The following RILPL2 variants were observed in gnomAD, a reference collection of about 807,000 sequenced individuals.
The protein encoded by RILPL2 is RILP-like protein 2.
A neutral mutation model predicts 22.2 loss-of-function variants in RILPL2; 19 were observed. That is an observed-to-expected ratio of 0.86 (90% CI 0.60 to 1.25). The LOEUF (loss-of-function observed/expected upper bound fraction) is 1.25, where lower values mean the gene tolerates loss of function less well. RILPL2 is among the 50% of genes most tolerant of loss of function. The pLI, the probability that RILPL2 is intolerant of heterozygous loss-of-function variation, is 0.00. For synonymous variants in RILPL2, 123 were observed against 111.6 expected (o/e 1.10, Z -0.64); for missense variants, 243 against 263.6 (o/e 0.92, Z 0.54).
intron 2 of RILPL2, among the ~76,000 whole-genome samples, chr12:123,428,010 C>T (rs750031957): frequency 3.9e-5 from 6 of 152,202 alleles, no homozygotes; most frequent in Non-Finnish European, 7.3e-5. Context: ...GGAAAGTGTG[C>T]GTCTCTTGTT....
chr12:123,413,809 C>G (rs1879041406), downstream of RILPL2: 1 of 152,178 alleles, frequency 6.6e-6, no homozygotes, highest in Non-Finnish European at 1.5e-5. Context: ...TTCTCCACGT[C>G]CCCACCAGAT....
At position 123,416,039 on chromosome 12, in the gene RILPL2, C is replaced by T. The variant is rs372760574; in HGVS notation, c.606-118G>A. 51 of 1,016,074 alleles carry T rather than the reference C, an allele frequency of 5.0e-5. 1 individual carries two copies. The highest frequency in any genetic ancestry group is 2.6e-4 in the East Asian group (11 of 42,184). 62.9% of individuals were successfully genotyped at this position (1,016,074 alleles called of 1,614,324 possible). On this transcript the variant is annotated intron_variant, in intron 3 of 3. Transcript: ENST00000280571. The stretch of plus-strand genomic sequence containing the variant: ...CTGTTGACTCAAAAATATGTCCAGG[C>T]CAGGCATTGTGGCTCACGCCTGTAA...
At chr12:123,425,984 A>T (rs1300399645) in intron 2 of RILPL2, among the ~76,000 whole-genome samples, 1 of 151,980 alleles carries the variant, frequency 6.6e-6, no homozygotes, top group Admixed American at 6.6e-5. Context: ...AATTAAAAAA[A>T]ATTTTTTTGA....
chr12:123,430,723 A>C, intron 1 of RILPL2, 64 bp from the exon 2 acceptor site: 1 of 1,123,216 alleles, frequency 8.9e-7, no homozygotes, highest in Non-Finnish European at 1.1e-6. Context: ...TATTATTATT[A>C]TATTTTTAGA....
In RILPL2 at chr12:123,428,761, C is replaced by G. The variant is rs148555223; in HGVS notation, c.491+1747G>C. 1.9e-3 allele frequency among the ~76,000 whole-genome samples: 288 copies of G among 152,302 alleles called. 3 individuals are homozygous for G. Among genetic ancestry groups the G allele is most frequent in the Non-Finnish European group, 5.7e-4 (39 of 68,024 alleles). Reference sequence around the variant, plus strand: ...GTGCCCACCACTCTGGTCCTCAGCTCAGCATAGTGATAACATCACTGCTAC... The same window carrying G: ...GTGCCCACCACTCTGGTCCTCAGCTGAGCATAGTGATAACATCACTGCTAC... On this transcript the variant is annotated intron_variant, in intron 2 of 3. Coordinates refer to ENST00000280571, the MANE Select transcript of RILPL2 (RefSeq NM_145058.3).
At chr12:123,416,685 CATT>C (rs1185784273) in intron 3 of RILPL2, among the ~76,000 whole-genome samples, 3 of 152,306 alleles carry the variant, frequency 2.0e-5, no homozygotes, top group African/African-American at 7.2e-5. Context: ...TTCATTCACT[CATT>C]GATTCTAGTA....
intron 2 of RILPL2, among the ~76,000 whole-genome samples, chr12:123,429,218 G>A (rs1231680228): frequency 1.3e-5 from 2 of 151,864 alleles, no homozygotes; most frequent in African/African-American, 4.8e-5. Flanking sequence ...TTGAATCCCT[G>A]GGCTCAAGTG....
chr12:123,415,828 G>T lies in RILPL2; in HGVS notation c.*63C>A. 1 of 1,542,878 alleles carries T rather than the reference G, an allele frequency of 6.5e-7. No individual in the cohort carries two copies. Among genetic ancestry groups the T allele is most frequent in the Non-Finnish European group, 9.0e-7 (1 of 1,114,920 alleles). On this transcript the variant is annotated 3_prime_UTR_variant, in exon 4 of 4. Transcript: ENST00000280571. The stretch of plus-strand genomic sequence containing the variant: ...CTGTGTGGCACAGGGAGGTGGTTTT[G>T]CCAGGCATCTTGGAAGGTTGTCTTC...
chr12:123,425,114 C>T (rs537204300), intron 2 of RILPL2, among the ~76,000 whole-genome samples: 1 of 151,698 alleles, frequency 6.6e-6, no homozygotes, highest in South Asian at 2.1e-4. Flanking sequence ...CTCCTGACCT[C>T]GTGATCCGCC....
intron 1 of RILPL2, 110 bp downstream of exon 1, chr12:123,435,971 GA>G: frequency 7.1e-7 from 1 of 1,407,422 alleles, no homozygotes; most frequent in Non-Finnish European, 9.3e-7. Flanking sequence ...CTTAAAAAAA[GA>G]AAAAAGAGAA....
chr12:123,415,984 C>T, intron 3 of RILPL2, 63 bp from the exon 4 acceptor site: 4 of 1,559,656 alleles, frequency 2.6e-6, no homozygotes, highest in South Asian at 1.1e-5. Context: ...GCACAGCAAC[C>T]CCCGTAAAAT....
chr12:123,421,709 C>T (rs1211133400), intron 3 of RILPL2, among the ~76,000 whole-genome samples: 1 of 148,556 alleles, frequency 6.7e-6, no homozygotes, highest in Non-Finnish European at 1.5e-5. Context: ...GCTCTGTTGC[C>T]CAGGCTAGAG....
At chr12:123,414,482 C>T (rs371112371), downstream of RILPL2, 25 of 153,086 alleles carry the variant, frequency 1.6e-4, no homozygotes, top group South Asian at 2.8e-3. Flanking sequence ...CCCCGGTTCC[C>T]GCTCGCGCCT....
At chr12:123,413,659 G>C (rs1351130716), downstream of RILPL2, 1 of 152,250 alleles carries the variant, frequency 6.6e-6, no homozygotes, top group Non-Finnish European at 1.5e-5. Context: ...ACCCGAGCGG[G>C]TTGCCACTGC....
downstream of RILPL2, chr12:123,410,950 T>G (rs1295249142): frequency 6.6e-6 from 1 of 152,184 alleles, no homozygotes; most frequent in East Asian, 1.9e-4. Context: ...CTCAAACCCC[T>G]GGCCTCAAGC....
intron 2 of RILPL2, among the ~76,000 whole-genome samples, chr12:123,429,398 T>G (rs1879541152): frequency 6.6e-6 from 1 of 152,078 alleles, no homozygotes; most frequent in Admixed American, 6.6e-5. Context: ...TGGTTTCAAG[T>G]GATTCTCCTG....
chr12:123,427,691 G>A (rs1303447165), intron 2 of RILPL2, among the ~76,000 whole-genome samples: 1 of 152,008 alleles, frequency 6.6e-6, no homozygotes, highest in Non-Finnish European at 1.5e-5. Context: ...ACAGGTATGA[G>A]TCACCACGCC....
rs1879798655 is a variant in RILPL2, at chr12:123,436,284, T to C, written c.137A>G (p.Tyr46Cys). 6.2e-7 allele frequency: 1 copy of C among 1,605,990 alleles called. No homozygotes were observed. Among genetic ancestry groups the C allele is most frequent in the Non-Finnish European group, 8.5e-7 (1 of 1,176,648 alleles). The change falls in exon 1 of 4, where the codon TAC becomes TGC. Residue 46 changes from tyrosine to cysteine, a missense_variant. Coordinates refer to ENST00000280571, the MANE Select transcript of RILPL2 (RefSeq NM_145058.3). The surrounding 1 kb of genome is among the most constrained non-coding windows in gnomAD (Gnocchi z 6.7). Reference protein sequence around the residue: ...LTAEDVYDISYLLGRELMALG... With the variant: ...LTAEDVYDISCLLGRELMALG... The stretch of plus-strand genomic sequence containing the variant: ...GGCCATAAGCTCGCGGCCCAACAGG[T>C]AGGAGATGTCATACACGTCCTCGGC...
chr12:123,430,532 T>A lies in RILPL2; in HGVS notation c.467A>T (p.Gln156Leu). The change falls in exon 2 of 4, where the codon CAG (glutamine) becomes CTG (leucine). Residue 156 changes from glutamine (Q) to leucine (L), a missense_variant. Transcript: ENST00000280571. ...NKLKSQLLVV[Q>L]EELQCYKSGL... is the part of the protein sequence containing the mutation. ...CCTCTTGTAGCACTGCAGCTCTTCC[T>A]GCACCACCAGGAGCTGCGACTTGAG... 6.2e-7 allele frequency: 1 copy of A among 1,607,870 alleles called. No individual in the cohort carries two copies. Among genetic ancestry groups the A allele is most frequent in the Non-Finnish European group, 8.5e-7 (1 of 1,176,320 alleles).
Sources: gnomAD v4.1 joint callset for allele counts (sites outside exome capture counted in the v4.1 genomes callset) on GRCh38, gnomAD v4.1.1 for gene constraint, Gnocchi (gnomAD v3.1) non-coding constraint, MANE v1.5 for transcripts, NCBI Gene and HGNC (gene_info 2026-07-23, HGNC 2026-07-21) for gene names.